Variants in BCR observed in about 807,000 individuals in gnomAD.
BCR encodes BCR activator of RhoGEF and GTPase.
In BCR, 58 loss-of-function variants were observed where a neutral mutation model predicts 138.6. That is an observed-to-expected ratio of 0.42 (90% CI 0.34 to 0.52). The LOEUF is 0.52. BCR is among the 20% of genes least tolerant of loss of function. The probability of loss-of-function intolerance (pLI) is 0.06; values close to 1 mark genes in which losing one functional copy is unlikely to be tolerated. For synonymous variants in BCR, 786 were observed against 730.1 expected (o/e 1.08, Z -1.23); for missense variants, 1,599 against 1,727.2 (o/e 0.93, Z 1.32).
intron 4 of BCR, chr22:23,264,522 G>T (rs2073414692): frequency 5.6e-6 from 3 of 531,260 alleles, no homozygotes; most frequent in Admixed American, 6.7e-5. Context: ...GACTCCTGGA[G>T]CTTTGTGGCT....
intron 1 of BCR, among the ~76,000 whole-genome samples, chr22:23,222,894 CAA>C (rs538052138): frequency 2.4e-4 from 36 of 152,228 alleles, no homozygotes; most frequent in Middle Eastern, 6.8e-3. Context: ...TGTTTATAAA[CAA>C]GAGAGATTTA....
intron 5 of BCR, among the ~76,000 whole-genome samples, 167 bp downstream of exon 5, chr22:23,268,682 G>T (rs1476548463): frequency 6.6e-6 from 1 of 152,214 alleles, no homozygotes; most frequent in Non-Finnish European, 1.5e-5. Context: ...ATGCTGTTGT[G>T]CGCAGACCGA....
chr22:23,268,183 CG>C (rs2073466647), intron 4 of BCR, among the ~76,000 whole-genome samples: 1 of 152,180 alleles, frequency 6.6e-6, no homozygotes, highest in East Asian at 1.9e-4. Context: ...TGCCTGGCGC[CG>C]TGAGTCACTT....
intron 1 of BCR, among the ~76,000 whole-genome samples, chr22:23,240,437 G>T (rs950056710): frequency 4.0e-5 from 6 of 151,198 alleles, no homozygotes; most frequent in Admixed American, 1.3e-4. Context: ...GGATCACGAG[G>T]TCAGGAGATC....
At chr22:23,287,954 C>G in intron 11 of BCR, 143 bp from the exon 12 acceptor site, 1 of 752,144 alleles carries the variant, frequency 1.3e-6, no homozygotes, top group Non-Finnish European at 2.3e-6. Context: ...CCGGAAGCGA[C>G]ATGCCAGGCC....
At chr22:23,291,681 CAAACCT>C (rs1168126035) in intron 14 of BCR, among the ~76,000 whole-genome samples, 1 of 152,122 alleles carries the variant, frequency 6.6e-6, no homozygotes, top group Non-Finnish European at 1.5e-5. Context: ...ATCCCCAAAC[CAAACCT>C]ATTATTCATG....
chr22:23,273,147 C>A lies in BCR; in HGVS notation c.1974+14C>A. ...CTGGTCCTCCATGTAAGTCACAGCG[C>A]CCCTCTGGACCGGGACCAAAACTGC... On this transcript the variant is annotated intron_variant, in intron 7 of 22. Coordinates refer to ENST00000305877, the MANE Select transcript of BCR (RefSeq NM_004327.4). 6.2e-7 allele frequency: 1 copy of A among 1,612,066 alleles called. No individual in the cohort carries two copies.
intron 1 of BCR, among the ~76,000 whole-genome samples, chr22:23,194,266 G>A (rs1358449767): frequency 6.6e-6 from 1 of 152,198 alleles, no homozygotes; most frequent in Non-Finnish European, 1.5e-5. Flanking sequence ...TGTTTTTGGA[G>A]ACATGGATTG....
intron 1 of BCR, among the ~76,000 whole-genome samples, chr22:23,206,437 C>T (rs1418998214): frequency 3.3e-5 from 5 of 151,910 alleles, no homozygotes; most frequent in Admixed American, 6.5e-5. Context: ...AGTAGCCGGG[C>T]GTGGTGGCGG....
chr22:23,271,414 A>G, intron 5 of BCR, 118 bp from the exon 6 acceptor site: 2 of 1,015,750 alleles, frequency 2.0e-6, no homozygotes, highest in Non-Finnish European at 3.0e-6. Flanking sequence ...ATCAGCTCAG[A>G]ATGCACCTGG....
intron 4 of BCR, among the ~76,000 whole-genome samples, chr22:23,262,482 C>G (rs1447006844): frequency 6.6e-6 from 1 of 152,254 alleles, no homozygotes; most frequent in Non-Finnish European, 1.5e-5. Context: ...CTCCCTGGGG[C>G]TCTTTCCCCC....
At position 23,180,773 on chromosome 22, in the gene BCR, C is replaced by CCCGCGCG. The variant is rs2072233930; in HGVS notation, c.-184_-178dup. 5.7e-6 allele frequency: 1 copy of CCCGCGCG among 174,142 alleles called. No homozygotes were observed. The highest frequency in any genetic ancestry group is 1.7e-4 in the South Asian group (1 of 5,752). 10.8% of individuals were successfully genotyped at this position (174,142 alleles called of 1,614,324 possible). On this transcript the variant is annotated 5_prime_UTR_variant, in exon 1 of 23. Transcript: ENST00000305877. Reference sequence around the variant, plus strand: ...CGCCCTTCCCCCCGGCGCGCCCCGCCCCGCGCGCCGAGCGCCCCGCTCCGC... The same window carrying CCCGCGCG: ...CGCCCTTCCCCCCGGCGCGCCCCGCCCCGCGCGCCGCGCGCCGAGCGCCCCGCTCCGC...
chr22:23,298,682 G>A (rs777040225), intron 16 of BCR, among the ~76,000 whole-genome samples: 2 of 152,000 alleles, frequency 1.3e-5, no homozygotes, highest in Non-Finnish European at 2.9e-5. Context: ...TGCAACCTCT[G>A]CCTCCCGGGT....
chr22:23,205,444 A>T (rs1475497683), intron 1 of BCR, among the ~76,000 whole-genome samples: 5 of 152,136 alleles, frequency 3.3e-5, no homozygotes, highest in Non-Finnish European at 5.9e-5. Context: ...GAGAGACAGG[A>T]TCCCTCCCTT....
At position 23,187,360 on chromosome 22, in the gene BCR, G is replaced by T. The variant is rs561401522; in HGVS notation, c.1279+5121G>T. Among the ~76,000 whole-genome samples, 4 of 150,960 alleles carry T rather than the reference G, an allele frequency of 2.6e-5. No individual in the cohort carries two copies. The East Asian group carries it at 7.8e-4, about 30-fold the overall frequency. ...GGGCCCACTGGGCTGAAATAGGACG[G>T]TCTAGTTAGCCTCACCCACACATTC... On this transcript the variant is annotated intron_variant, in intron 1 of 22. Coordinates refer to ENST00000305877, the MANE Select transcript of BCR (RefSeq NM_004327.4).
intron 22 of BCR, 82 bp downstream of exon 22, chr22:23,314,796 T>G (rs2074050084): frequency 1.3e-6 from 2 of 1,519,288 alleles, no homozygotes; most frequent in Non-Finnish European, 1.8e-6. Flanking sequence ...GTCCTGCCCA[T>G]CTTCTTACTT....
intron 1 of BCR, chr22:23,250,888 TCA>T (rs2073218111): frequency 6.6e-6 from 1 of 152,132 alleles, no homozygotes; most frequent in South Asian, 2.1e-4. Flanking sequence ...CTGGACTAAC[TCA>T]CAGAGAGGTA....
rs747544800 is a variant in BCR at position 23,181,609 on chromosome 22, C to T, written c.649C>T (p.His217Tyr). 2 of 1,612,312 alleles carry T rather than the reference C, an allele frequency of 1.2e-6. No individual in the cohort carries two copies. The highest frequency in any genetic ancestry group is 8.5e-7 in the Non-Finnish European group (1 of 1,179,992). ...AMQMERKKSQ[H>Y]GAGSSVGDAS... ...GCAGATGGAGCGCAAAAAGTCCCAG[C>T]ACGGCGCGGGCTCGAGCGTGGGGGA... The change falls in exon 1 of 23, where the codon CAC (histidine) becomes TAC (tyrosine). Residue 217 changes from histidine to tyrosine, a missense_variant. Around this residue, in one of 4 missense-constraint regions of BCR, gnomAD observed 806 missense variants for 635.0 expected, o/e 1.27. Coordinates refer to ENST00000305877, the MANE Select transcript of BCR (RefSeq NM_004327.4).
chr22:23,283,333 T>A (rs919053943), intron 8 of BCR: 2 of 152,102 alleles, frequency 1.3e-5, no homozygotes, highest in African/African-American at 4.8e-5. Context: ...GGACTAGGAG[T>A]TCCACATGTG....
Sources: allele counts gnomAD v4.1 joint callset (sites outside exome capture counted in the v4.1 genomes callset), GRCh38; gene constraint gnomAD v4.1.1; regional missense constraint gnomAD v4.1.1; transcripts MANE v1.5; gene names NCBI Gene and HGNC (gene_info 2026-07-23, HGNC 2026-07-21).